NCAM2: variants seen among roughly 807,000 people sequenced by gnomAD.
NCAM2 encodes the protein neural cell adhesion molecule 2, also known as N-CAM-2.
In NCAM2, 30 loss-of-function variants were observed where a neutral mutation model predicts 98.1. The ratio of observed to expected loss-of-function variants is 0.31; its 90% confidence interval spans 0.23 to 0.41. NCAM2 has a LOEUF of 0.41. Ranked by LOEUF, NCAM2 falls within the 10% of genes least tolerant of loss-of-function variation. NCAM2 has a pLI of 1.00. For missense variants in NCAM2, 867 were observed against 1,005.8 expected, an observed-to-expected ratio of 0.86 and a Z score of 1.87; for synonymous variants, 368 against 342.4, an observed-to-expected ratio of 1.07 and a Z score of -0.83.
chr21:21,086,397 T>C (rs913391546), intron 1 of NCAM2, among the ~76,000 whole-genome samples: 8 of 152,172 alleles, frequency 5.3e-5, no homozygotes, highest in African/African-American at 1.9e-4. Flanking sequence ...TCATAACCCT[T>C]TACACATTTT....
At chr21:21,525,739 TA>T (rs1481893897) in intron 16 of NCAM2, among the ~76,000 whole-genome samples, 39 of 152,068 alleles carry the variant, frequency 2.6e-4, no homozygotes, top group African/African-American at 9.4e-4. Flanking sequence ...TTTCTAAACA[TA>T]GATGCAAACA....
chr21:21,440,554 G>C (rs1381132331), intron 12 of NCAM2, among the ~76,000 whole-genome samples: 1 of 151,896 alleles, frequency 6.6e-6, no homozygotes, highest in African/African-American at 2.4e-5. Context: ...GGTGGCAGGC[G>C]CCTGTGGTCC....
At chr21:21,207,658 A>T (rs1369949041) in intron 1 of NCAM2, among the ~76,000 whole-genome samples, 2 of 152,164 alleles carry the variant, frequency 1.3e-5, no homozygotes, top group African/African-American at 4.8e-5. Flanking sequence ...TATGTAGATG[A>T]TTCAGGTACC....
At chr21:21,177,900 C>T (rs867206271) in intron 1 of NCAM2, among the ~76,000 whole-genome samples, 1 of 151,884 alleles carries the variant, frequency 6.6e-6, no homozygotes, top group Non-Finnish European at 1.5e-5. Context: ...CTGCTTTTGC[C>T]ATGGGACAAT....
chr21:21,031,384 G>T (rs1397773144), intron 1 of NCAM2, among the ~76,000 whole-genome samples: 1 of 152,180 alleles, frequency 6.6e-6, no homozygotes, highest in Non-Finnish European at 1.5e-5. Context: ...CAACTGATTA[G>T]TAATAGAGCT....
At chr21:21,424,757 C>T (rs999771134) in intron 11 of NCAM2, among the ~76,000 whole-genome samples, 1 of 151,940 alleles carries the variant, frequency 6.6e-6, no homozygotes, top group Non-Finnish European at 1.5e-5. Context: ...GTTTGCAGGG[C>T]AAGGTGGTTT....
chr21:21,185,384 C>A (rs1214615743), intron 1 of NCAM2, among the ~76,000 whole-genome samples: 1 of 152,098 alleles, frequency 6.6e-6, no homozygotes, highest in East Asian at 1.9e-4. Flanking sequence ...TTCAGGTACT[C>A]AATTTCATCT....
intron 1 of NCAM2, among the ~76,000 whole-genome samples, chr21:21,007,207 T>C (rs58581104): frequency 6.6e-6 from 1 of 152,230 alleles, no homozygotes; most frequent in South Asian, 2.1e-4. Context: ...GAAAATAAGC[T>C]CACTTGTAGT....
chr21:21,023,974 G>C (rs2064489834), intron 1 of NCAM2, among the ~76,000 whole-genome samples: 1 of 152,114 alleles, frequency 6.6e-6, no homozygotes, highest in Non-Finnish European at 1.5e-5. Flanking sequence ...TCCTAGCTTT[G>C]TGAAACCACT....
chr21:21,447,824 C>T (rs1980418536), intron 12 of NCAM2, among the ~76,000 whole-genome samples: 1 of 152,084 alleles, frequency 6.6e-6, no homozygotes, highest in African/African-American at 2.4e-5. Context: ...TAGAGAAATG[C>T]AAATCAAAAC....
chr21:21,066,315 G>A (rs2065435927), intron 1 of NCAM2, among the ~76,000 whole-genome samples: 1 of 152,014 alleles, frequency 6.6e-6, no homozygotes, highest in South Asian at 2.1e-4. Flanking sequence ...GGTGTTTTAA[G>A]TTAATTTTTG....
intron 1 of NCAM2, among the ~76,000 whole-genome samples, chr21:21,046,196 C>T (rs551319085): frequency 3.9e-4 from 59 of 152,290 alleles, no homozygotes; most frequent in Non-Finnish European, 6.9e-4. Flanking sequence ...CAAGTTTCTT[C>T]ATCTGTATTC....
intron 1 of NCAM2, among the ~76,000 whole-genome samples, chr21:21,141,910 CT>C (rs2067175323): frequency 6.6e-6 from 1 of 152,154 alleles, no homozygotes; most frequent in African/African-American, 2.4e-5. Flanking sequence ...CTGTATTGAT[CT>C]TTGCTTCCAG....
chr21:21,249,881 G>T (rs185566771), intron 1 of NCAM2, among the ~76,000 whole-genome samples: 1 of 152,146 alleles, frequency 6.6e-6, no homozygotes, highest in South Asian at 2.1e-4. Flanking sequence ...AAAATATGAC[G>T]TCTGATTTAG....
At chr21:21,305,116 A>G (rs1165403702) in intron 5 of NCAM2, among the ~76,000 whole-genome samples, 3 of 152,022 alleles carry the variant, frequency 2.0e-5, no homozygotes, top group Non-Finnish European at 1.5e-5. Flanking sequence ...TCAGGAGTTC[A>G]AGACCAGCCT....
At chr21:21,099,342 C>T (rs2066190864) in intron 1 of NCAM2, among the ~76,000 whole-genome samples, 1 of 151,846 alleles carries the variant, frequency 6.6e-6, no homozygotes, top group Non-Finnish European at 1.5e-5. Flanking sequence ...TTAGTTCATT[C>T]TCACGCTGCT....
chr21:21,214,933 A>G (rs562453143), intron 1 of NCAM2, among the ~76,000 whole-genome samples: 1 of 151,844 alleles, frequency 6.6e-6, no homozygotes, highest in South Asian at 2.1e-4. Context: ...AAACTCTGAT[A>G]TAATTAATTT....
At chr21:21,447,479 C>T (rs535620234) in intron 12 of NCAM2, among the ~76,000 whole-genome samples, 5 of 152,222 alleles carry the variant, frequency 3.3e-5, no homozygotes, top group South Asian at 2.1e-4. Flanking sequence ...CAGTTCAAGA[C>T]GTAGGCATGG....
At chr21:21,345,551 G>A (rs947166991) in intron 8 of NCAM2, among the ~76,000 whole-genome samples, 10 of 151,794 alleles carry the variant, frequency 6.6e-5, no homozygotes, top group African/African-American at 2.4e-4. Context: ...TCAGCTTGAA[G>A]ACAAGCTACT....
Sources: allele counts gnomAD v4.1 joint callset (sites outside exome capture counted in the v4.1 genomes callset), GRCh38; gene constraint gnomAD v4.1.1; transcripts MANE v1.5; gene names NCBI Gene and HGNC (gene_info 2026-07-23, HGNC 2026-07-21).